SLTM: variants seen among roughly 807,000 people sequenced by gnomAD.
The protein encoded by SLTM is SAFB-like transcription modulator.
A neutral mutation model predicts 134.6 loss-of-function variants in SLTM; 43 were observed. The ratio of observed to expected loss-of-function variants is 0.32; its 90% CI spans 0.25 to 0.41. The LOEUF (loss-of-function observed/expected upper bound fraction) is 0.41. SLTM is among the 10% of genes least tolerant of loss of function. SLTM has a pLI of 1.00. For synonymous variants in SLTM, 424 were observed against 432.3 expected, an observed-to-expected ratio of 0.98 and a Z score of 0.24; for missense variants, 1,055 against 1,288.8, an observed-to-expected ratio of 0.82 and a Z score of 2.78.
chr15:58,908,058 CTTTCT>C (rs2035997297), intron 5 of SLTM, among the ~76,000 whole-genome samples: 2 of 80,042 alleles, frequency 2.5e-5, no homozygotes, highest in African/African-American at 6.9e-5. Flanking sequence ...ATTTCTTTTT[CTTTCT>C]TTTTTTTTTT....
chr15:58,932,570 C>A, intron 1 of SLTM, 127 bp from the exon 2 acceptor site: 1 of 608,792 alleles, frequency 1.6e-6, no homozygotes, highest in Non-Finnish European at 2.9e-6. Flanking sequence ...TTTCATCAAC[C>A]GACTTCAAAA....
At chr15:58,916,375 T>C (rs1317972590) in intron 3 of SLTM, among the ~76,000 whole-genome samples, 1 of 152,192 alleles carries the variant, frequency 6.6e-6, no homozygotes, top group Non-Finnish European at 1.5e-5. Context: ...GGTTTTACTA[T>C]GTTGGCCAGG....
intron 14 of SLTM, among the ~76,000 whole-genome samples, chr15:58,891,416 T>C (rs1228376747): frequency 2.0e-5 from 3 of 152,178 alleles, no homozygotes; most frequent in African/African-American, 4.8e-5. Flanking sequence ...CTCAACCCCA[T>C]TTTTAATAAA....
At chr15:58,906,873 T>C (rs2035899012) in intron 5 of SLTM, among the ~76,000 whole-genome samples, 1 of 152,224 alleles carries the variant, frequency 6.6e-6, no homozygotes, top group Non-Finnish European at 1.5e-5. Context: ...TTTGGCACTA[T>C]GTTAAGTACG....
At chr15:58,917,776 G>A (rs563530795) in intron 2 of SLTM, among the ~76,000 whole-genome samples, 1 of 152,132 alleles carries the variant, frequency 6.6e-6, no homozygotes, top group East Asian at 1.9e-4. Context: ...TTGAGACAGA[G>A]TCGCACTCTG....
rs1395483735 is a variant in SLTM at position 58,899,478 on chromosome 15, T to C, written c.1049A>G (p.Gln350Arg). 1 of 1,613,788 alleles carries C rather than the reference T, an allele frequency of 6.2e-7. No homozygotes were observed. The highest frequency in any genetic ancestry group is 1.7e-5 in the Admixed American group (1 of 59,976). ...KGPSSTGASG[Q>R]AKSSSKESKD... Reference sequence around the variant, plus strand: ...ACATAGAAAAACAAACCTCTTTGCTTGACCAGAGGCCCCAGTAGACGAGGG... The same window carrying C: ...ACATAGAAAAACAAACCTCTTTGCTCGACCAGAGGCCCCAGTAGACGAGGG... Residue 350 changes from glutamine (Q) to arginine (R), a missense_variant, in exon 7 of 21, where the codon CAA becomes CGA. By Grantham distance (43) the Gln-to-Arg change is conservative. Transcript: ENST00000380516. This position sits in a 1 kb window ranked among gnomAD's most constrained non-coding sequence, Gnocchi z 5.0.
rs797019584 is a variant in SLTM, at chr15:58,909,255, A to C, written c.561+3308T>G. 2.6e-5 allele frequency among the ~76,000 whole-genome samples: 4 copies of C among 152,314 alleles called. No individual in the cohort carries two copies. The East Asian group carries it at 5.8e-4, about 22-fold the overall frequency. ...TGATGAGGCTCTCACTGTATGGAAC[A>C]ATTTAAGCATTAAGGATAATAACTG... On this transcript the variant is annotated intron_variant, in intron 5 of 20. Transcript: ENST00000380516.
chr15:58,882,029 T>C lies in SLTM; in HGVS notation c.2996+1597A>G, dbSNP rs867906713. Reference sequence around the variant, plus strand: ...TTCAAGACCAGCCTGGCCAACATGGTGAAACCCCATTTGCTAAAAATACAA... The same window carrying C: ...TTCAAGACCAGCCTGGCCAACATGGCGAAACCCCATTTGCTAAAAATACAA... On this transcript the variant is annotated intron_variant, in intron 20 of 20. Transcript: ENST00000380516. 1.3e-4 allele frequency among the ~76,000 whole-genome samples: 19 copies of C among 151,340 alleles called. No homozygotes were observed. In the South Asian group the frequency reaches 3.6e-3, roughly 28 times the overall value.
chr15:58,913,104 T>C lies in SLTM; in HGVS notation c.513+395A>G, dbSNP rs577891090. 5.9e-5 allele frequency among the ~76,000 whole-genome samples: 9 copies of C among 152,322 alleles called. No homozygotes were observed. In the South Asian group the frequency reaches 1.7e-3, roughly 28 times the overall value. On this transcript the variant is annotated intron_variant, in intron 4 of 20. Transcript: ENST00000380516. Reference sequence around the variant, plus strand: ...GAAAAAACCCTACCACCAAGTAATGTTGGCAATGCCAGAATGAAATTGGTA... The same window carrying C: ...GAAAAAACCCTACCACCAAGTAATGCTGGCAATGCCAGAATGAAATTGGTA...
chr15:58,902,746 CAG>C (rs2035576608), intron 5 of SLTM, among the ~76,000 whole-genome samples: 1 of 149,424 alleles, frequency 6.7e-6, no homozygotes, highest in Non-Finnish European at 1.5e-5. Flanking sequence ...TTTTTTGAGA[CAG>C]AGTTTTGCTC....
intron 19 of SLTM, among the ~76,000 whole-genome samples, chr15:58,885,900 T>G (rs1328744886): frequency 6.6e-6 from 1 of 152,118 alleles, no homozygotes; most frequent in Non-Finnish European, 1.5e-5. Flanking sequence ...ACAATTCTTT[T>G]TGGTATATAA....
intron 2 of SLTM, among the ~76,000 whole-genome samples, chr15:58,930,707 T>TA (rs35877115): frequency 2.2e-5 from 3 of 139,328 alleles, no homozygotes; most frequent in African/African-American, 7.8e-5. Context: ...AATACCCTAT[T>TA]AAAAAATATA....
At chr15:58,881,115 A>G (rs1377869440) in intron 20 of SLTM, among the ~76,000 whole-genome samples, 1 of 151,766 alleles carries the variant, frequency 6.6e-6, no homozygotes, top group East Asian at 2.0e-4. Context: ...AATTGCCTGA[A>G]CCCGGGAGGC....
intron 2 of SLTM, among the ~76,000 whole-genome samples, chr15:58,917,557 T>C (rs1186421604): frequency 3.3e-5 from 5 of 152,344 alleles, no homozygotes; most frequent in African/African-American, 1.2e-4. Flanking sequence ...CAGTGACTAC[T>C]TTTATGCTAA....
At chr15:58,918,750 CTCTT>C (rs1226800096) in intron 2 of SLTM, among the ~76,000 whole-genome samples, 14 of 152,108 alleles carry the variant, frequency 9.2e-5, no homozygotes, top group African/African-American at 2.2e-4. Context: ...TGTCATCATT[CTCTT>C]TATCACTAAA....
In SLTM at chr15:58,899,208, G is replaced by GAAAAAAAAAAAAAAAAAAA; in HGVS notation, c.1058+260_1058+261insTTTTTTTTTTTTTTTTTTT. 2.9e-6 allele frequency: 1 copy of GAAAAAAAAAAAAAAAAAAA among 350,114 alleles called. No individual in the cohort carries two copies. Among genetic ancestry groups the GAAAAAAAAAAAAAAAAAAA allele is most frequent in the East Asian group, 4.5e-5 (1 of 22,060 alleles). 21.7% of individuals were successfully genotyped at this position (350,114 alleles called of 1,614,324 possible). ...TAAAACACAAAAAAATTGTCAATTT[G>GAAAAAAAAAAAAAAAAAAA]AAAAAAAAAAACAAAAAACAAAAAA... On this transcript the variant is annotated intron_variant, in intron 7 of 20. Coordinates refer to ENST00000380516, the MANE Select transcript of SLTM (RefSeq NM_024755.4). This position sits in a 1 kb window ranked among gnomAD's most constrained non-coding sequence, Gnocchi z 5.0.
chr15:58,908,469 T>C (rs779623465), intron 5 of SLTM, among the ~76,000 whole-genome samples: 53 of 152,064 alleles, frequency 3.5e-4, no homozygotes, highest in Non-Finnish European at 7.2e-4. Flanking sequence ...TGGGGTCAAG[T>C]GATCTTCCAG....
chr15:58,889,863 G>A (rs945567544), intron 15 of SLTM: 3 of 351,734 alleles, frequency 8.5e-6, no homozygotes, highest in African/African-American at 6.2e-5. Context: ...AATATGCATG[G>A]AGACTAAGTG....
intron 6 of SLTM, 153 bp downstream of exon 6, chr15:58,901,107 A>T (rs1279767541): frequency 1.5e-6 from 1 of 670,862 alleles, no homozygotes; most frequent in Non-Finnish European, 2.6e-6. Context: ...AACCAATTGG[A>T]AAATAAAATC....
Sources: allele counts gnomAD v4.1 joint callset (sites outside exome capture counted in the v4.1 genomes callset), GRCh38; gene constraint gnomAD v4.1.1; non-coding constraint Gnocchi (gnomAD v3.1); transcripts MANE v1.5; gene names NCBI Gene and HGNC (gene_info 2026-07-23, HGNC 2026-07-21).